Variants in PDZD2 observed in about 807,000 individuals in gnomAD.
PDZD2 encodes the protein PDZ domain-containing protein 2.
PDZD2 carries 90 observed loss-of-function variants against 220.7 expected under a neutral mutation model. The observed-to-expected ratio is 0.41, with a 90% CI of 0.34 to 0.49. The LOEUF (loss-of-function observed/expected upper bound fraction) is 0.49, where lower values mean the gene tolerates loss of function less well. PDZD2 is among the 20% of genes least tolerant of loss of function. PDZD2 has a pLI of 0.28. For missense variants in PDZD2, 3,174 were observed against 3,608.5 expected, an observed-to-expected ratio of 0.88 and a Z score of 3.08; for synonymous variants, 1,375 against 1,450.5, an observed-to-expected ratio of 0.95 and a Z score of 1.18.
At chr5:31,799,812 C>T in intron 2 of PDZD2, 88 bp downstream of exon 2, 1 of 830,158 alleles carries the variant, frequency 1.2e-6, no homozygotes, top group Non-Finnish European at 2.0e-6. Context: ...TTTATGAATC[C>T]TGCCAATAAG....
Position 32,042,129 on chromosome 5 carries a change from G to A in PDZD2, c.1519+4787G>A, listed in dbSNP as rs1485497973. On this transcript the variant is annotated intron_variant, in intron 7 of 24. Transcript: ENST00000438447. Reference sequence around the variant, plus strand: ...ACAAAAAAATTAGCTGGGCATGGTGGCAGGCACCTATAATCCCAGCTACTC... The same window carrying A: ...ACAAAAAAATTAGCTGGGCATGGTGACAGGCACCTATAATCCCAGCTACTC... 2.0e-5 allele frequency among the ~76,000 whole-genome samples: 3 copies of A among 151,950 alleles called. 1 individual carries two copies. The South Asian group carries it at 6.3e-4, about 32-fold the overall frequency.
At chr5:32,015,855 A>G (rs1753747461) in intron 6 of PDZD2, among the ~76,000 whole-genome samples, 1 of 151,524 alleles carries the variant, frequency 6.6e-6, no homozygotes, top group Non-Finnish European at 1.5e-5. Flanking sequence ...TTTAACAAAG[A>G]AAAAAAAATG....
At chr5:31,777,570 C>T (rs916446004) in intron 1 of PDZD2, among the ~76,000 whole-genome samples, 2 of 152,268 alleles carry the variant, frequency 1.3e-5, no homozygotes, top group Non-Finnish European at 2.9e-5. Context: ...TAGATGAAGC[C>T]AGCTGGGCTC....
intron 21 of PDZD2, among the ~76,000 whole-genome samples, chr5:32,096,045 G>C (rs965561545): frequency 5.9e-5 from 9 of 151,698 alleles, no homozygotes; most frequent in African/African-American, 2.2e-4. Context: ...ACCCGGCGTA[G>C]GAGGCCTCAT....
At chr5:32,042,260 TAA>T (rs767070006) in intron 7 of PDZD2, among the ~76,000 whole-genome samples, 9 of 77,164 alleles carry the variant, frequency 1.2e-4, no homozygotes, top group Non-Finnish European at 8.2e-5. Context: ...AGACTCTGTC[TAA>T]AAAAAAAAAA....
intron 3 of PDZD2, among the ~76,000 whole-genome samples, chr5:31,987,442 C>G (rs1314862084): frequency 6.6e-6 from 1 of 152,198 alleles, no homozygotes. Flanking sequence ...GAGCATCACA[C>G]TCAGAACATC....
At chr5:31,849,115 T>C (rs547223008) in intron 2 of PDZD2, among the ~76,000 whole-genome samples, 1 of 152,196 alleles carries the variant, frequency 6.6e-6, no homozygotes, top group Admixed American at 6.5e-5. Flanking sequence ...CCCCAGGCAA[T>C]GTAAACCTGT....
chr5:31,929,529 A>G (rs895526486), intron 2 of PDZD2, among the ~76,000 whole-genome samples: 110 of 152,342 alleles, frequency 7.2e-4, no homozygotes, highest in African/African-American at 2.5e-3. Context: ...AACCACTGGC[A>G]TATGTGAAAG....
At position 32,088,771 on chromosome 5, in the gene PDZD2, C is replaced by T; in HGVS notation, c.5323C>T (p.Leu1775Phe). The T allele has an allele frequency of 4.3e-6, 7 of 1,613,944 alleles. No individual in the cohort carries two copies. Among genetic ancestry groups the T allele is most frequent in the Non-Finnish European group, 5.1e-6 (6 of 1,179,896 alleles). ...GAATGGAGAATCTGTTTTGGAAAAC[C>T]TCCACATCTCTGAAAGTCAAGACCT... ...PKNGESVLEN[L>F]HISESQDLDD... The change falls in exon 20 of 25, where the codon CTC (leucine) becomes TTC (phenylalanine). Residue 1775 changes from leucine to phenylalanine, a missense_variant. Leu to Phe is a conservative substitution (Grantham distance 22). Coordinates refer to ENST00000438447, the MANE Select transcript of PDZD2 (RefSeq NM_178140.4). This position sits in a 1 kb window ranked among gnomAD's most constrained non-coding sequence, Gnocchi z 4.6.
At chr5:32,006,742 T>A (rs1321920195) in intron 5 of PDZD2, among the ~76,000 whole-genome samples, 1 of 141,896 alleles carries the variant, frequency 7.0e-6, no homozygotes, top group Non-Finnish European at 1.5e-5. Context: ...CAGACTGCAG[T>A]GCGGTGGTAC....
chr5:31,787,466 T>G (rs915763179), intron 1 of PDZD2, among the ~76,000 whole-genome samples: 2 of 152,232 alleles, frequency 1.3e-5, no homozygotes, highest in African/African-American at 4.8e-5. Flanking sequence ...TAGGGTTTTT[T>G]GGCCTTCAAT....
intron 2 of PDZD2, among the ~76,000 whole-genome samples, chr5:31,830,917 C>T (rs1756542136): frequency 6.6e-6 from 1 of 152,202 alleles, no homozygotes; most frequent in Non-Finnish European, 1.5e-5. Flanking sequence ...ACAGCTCAGA[C>T]AGCAAGCAGT....
chr5:31,927,566 G>A (rs1744909133), intron 2 of PDZD2, among the ~76,000 whole-genome samples: 1 of 151,980 alleles, frequency 6.6e-6, no homozygotes, highest in Non-Finnish European at 1.5e-5. Context: ...GTATTTTTTA[G>A]TAGAGACGGG....
intron 6 of PDZD2, among the ~76,000 whole-genome samples, chr5:32,035,245 G>A (rs1166923957): frequency 3.3e-5 from 5 of 151,478 alleles, no homozygotes; most frequent in Admixed American, 1.3e-4. Context: ...TACTTTATAC[G>A]TTTTTATGTA....
intron 2 of PDZD2, among the ~76,000 whole-genome samples, chr5:31,880,790 T>TTCTTTTTC (rs1739797358): frequency 8.1e-6 from 1 of 122,702 alleles, no homozygotes; most frequent in African/African-American, 4.0e-5. Context: ...CTTTTTTTTT[T>TTCTTTTTC]CTTTTTTTTT....
rs146325562 is a variant in PDZD2, at chr5:32,021,557, C to G, written c.1407+11075C>G. 9.4e-4 allele frequency among the ~76,000 whole-genome samples: 143 copies of G among 152,264 alleles called. 2 individuals are homozygous for G. The highest frequency in any genetic ancestry group is 7.7e-3 in the South Asian group (37 of 4,814). On this transcript the variant is annotated intron_variant, in intron 6 of 24. Coordinates refer to ENST00000438447, the MANE Select transcript of PDZD2 (RefSeq NM_178140.4). ...AAGTGATCCACCTGCCTCAGCCCCCCAAAGTGCTGGGATTATAGGCATGAG... is the reference window on the plus strand; with the variant it reads ...AAGTGATCCACCTGCCTCAGCCCCCGAAAGTGCTGGGATTATAGGCATGAG...
intron 1 of PDZD2, among the ~76,000 whole-genome samples, chr5:31,775,223 T>C (rs1388816079): frequency 1.3e-5 from 2 of 152,214 alleles, no homozygotes; most frequent in African/African-American, 4.8e-5. Flanking sequence ...GAACCGATTG[T>C]AAATACTGTC....
intron 2 of PDZD2, among the ~76,000 whole-genome samples, chr5:31,972,486 T>C (rs1180969594): frequency 6.6e-6 from 1 of 152,198 alleles, no homozygotes; most frequent in Non-Finnish European, 1.5e-5. Flanking sequence ...CTTACTTTAA[T>C]AGGTGTATCA....
intron 2 of PDZD2, among the ~76,000 whole-genome samples, chr5:31,931,902 C>T (rs561435251): frequency 3.3e-5 from 5 of 152,266 alleles, no homozygotes; most frequent in Admixed American, 2.6e-4. Flanking sequence ...CACAGCCGCA[C>T]GGAGCTTTCT....
Sources: allele counts gnomAD v4.1 joint callset (sites outside exome capture counted in the v4.1 genomes callset), GRCh38; gene constraint gnomAD v4.1.1; non-coding constraint Gnocchi (gnomAD v3.1); transcripts MANE v1.5; gene names NCBI Gene and HGNC (gene_info 2026-07-23, HGNC 2026-07-21).